PLD5: variants seen among roughly 807,000 people sequenced by gnomAD.
PLD5 encodes phospholipase D family member 5, also known as inactive phospholipase D5.
In PLD5, 36 loss-of-function variants were observed where a neutral mutation model predicts 61.1. The observed-to-expected ratio is 0.59, with a 90% CI of 0.45 to 0.78. PLD5 has a LOEUF of 0.78. PLD5 is among the 30% of genes least tolerant of loss of function. PLD5 has a pLI of 0.00. For missense variants in PLD5, 515 were observed against 644.4 expected (o/e 0.80, Z 2.17); for synonymous variants, 243 against 242.8 (o/e 1.00, Z -0.01).
intron 2 of PLD5, among the ~76,000 whole-genome samples, chr1:242,309,328 C>T (rs140249682): frequency 6.6e-6 from 1 of 151,374 alleles, no homozygotes; most frequent in African/African-American, 2.4e-5. Context: ...AACAGAACAA[C>T]AACAACAACA....
intron 7 of PLD5, among the ~76,000 whole-genome samples, chr1:242,111,754 C>T (rs1330087484): frequency 6.6e-6 from 1 of 151,786 alleles, no homozygotes; most frequent in Non-Finnish European, 1.5e-5. Context: ...GCTTGGACGA[C>T]TACTTATGTC....
At chr1:242,267,911 G>T (rs1473793213) in intron 3 of PLD5, among the ~76,000 whole-genome samples, 2 of 151,502 alleles carry the variant, frequency 1.3e-5, no homozygotes, top group Non-Finnish European at 2.9e-5. Flanking sequence ...AAAGAGGCAG[G>T]AGGGGAGAGG....
intron 1 of PLD5, among the ~76,000 whole-genome samples, chr1:242,483,337 A>T (rs1256410438): frequency 6.6e-6 from 1 of 152,186 alleles, no homozygotes; most frequent in East Asian, 1.9e-4. Flanking sequence ...AGACACACAT[A>T]GGCTCAAAAT....
chr1:242,380,817 T>C (rs113012896), intron 1 of PLD5, among the ~76,000 whole-genome samples: 2,096 of 152,218 alleles, frequency 0.014, 50 homozygotes, highest in African/African-American at 0.046. Flanking sequence ...TCACTGATCA[T>C]TAGAGAAATG....
At chr1:242,449,328 C>T in intron 1 of PLD5, 1 of 1,536,122 alleles carries the variant, frequency 6.5e-7, no homozygotes, top group Non-Finnish European at 8.7e-7. Context: ...CACACTAGGT[C>T]TGTAGAAAAC....
intron 1 of PLD5, among the ~76,000 whole-genome samples, chr1:242,355,812 A>G (rs1217987646): frequency 6.6e-6 from 1 of 152,084 alleles, no homozygotes. Context: ...CATTTGTCTC[A>G]AGACATTTTT....
chr1:242,513,497 C>T (rs1669002669), intron 1 of PLD5, among the ~76,000 whole-genome samples: 2 of 152,206 alleles, frequency 1.3e-5, no homozygotes, highest in South Asian at 4.1e-4. Flanking sequence ...TGTTATGGGA[C>T]CACAGAGGAG....
chr1:242,105,185 A>G (rs1180867653), intron 8 of PLD5, among the ~76,000 whole-genome samples: 1 of 151,444 alleles, frequency 6.6e-6, no homozygotes, highest in Admixed American at 6.6e-5. Flanking sequence ...CTTCGGCTAT[A>G]GGGACTGGGG....
At chr1:242,367,114 C>T (rs1661388960) in intron 1 of PLD5, among the ~76,000 whole-genome samples, 1 of 151,976 alleles carries the variant, frequency 6.6e-6, no homozygotes, top group Non-Finnish European at 1.5e-5. Context: ...CTACTCTACT[C>T]CCCATCTTAT....
intron 1 of PLD5, among the ~76,000 whole-genome samples, chr1:242,424,679 G>C (rs746602635): frequency 1.3e-5 from 2 of 152,032 alleles, no homozygotes; most frequent in Non-Finnish European, 1.5e-5. Context: ...CATGGCCTTC[G>C]TTTAGAAACT....
intron 1 of PLD5, among the ~76,000 whole-genome samples, chr1:242,454,046 C>T (rs1339725209): frequency 6.6e-6 from 1 of 152,126 alleles, no homozygotes; most frequent in African/African-American, 2.4e-5. Flanking sequence ...AATTTAACTT[C>T]AGGCTGGCTG....
intron 2 of PLD5, among the ~76,000 whole-genome samples, chr1:242,299,623 C>T (rs552915122): frequency 1.3e-5 from 2 of 152,202 alleles, no homozygotes; most frequent in African/African-American, 4.8e-5. Flanking sequence ...GTTTTTCCCC[C>T]CAAGTCATGA....
intron 1 of PLD5, among the ~76,000 whole-genome samples, chr1:242,379,141 G>C (rs1236892520): frequency 6.6e-6 from 1 of 152,166 alleles, no homozygotes; most frequent in Non-Finnish European, 1.5e-5. Flanking sequence ...GGCAGACATG[G>C]AGTAACGAGG....
intron 3 of PLD5, among the ~76,000 whole-genome samples, chr1:242,267,123 A>C (rs1025826209): frequency 1.4e-5 from 2 of 145,138 alleles, no homozygotes; most frequent in African/African-American, 5.4e-5. Flanking sequence ...TCAAAAAATA[A>C]ATAAATAAAA....
chr1:242,431,392 G>A (rs180841136), intron 1 of PLD5, among the ~76,000 whole-genome samples: 22 of 152,280 alleles, frequency 1.4e-4, no homozygotes, highest in Middle Eastern at 3.4e-3. Flanking sequence ...CTTTTCTAGC[G>A]ACTGAGGATA....
rs150016108 is a variant in PLD5, at chr1:242,197,468, C to T, written c.735+22520G>A. On this transcript the variant is annotated intron_variant, in intron 5 of 9. Coordinates refer to ENST00000536534, the MANE Select transcript of PLD5 (RefSeq NM_001372062.1). Reference sequence around the variant, plus strand: ...ATGTTCCAGCCACACAGGTGACTGACTGCCTTTTCTCTGAACCACAAACCA... The same window carrying T: ...ATGTTCCAGCCACACAGGTGACTGATTGCCTTTTCTCTGAACCACAAACCA... Among the ~76,000 whole-genome samples the T allele has an allele frequency of 1.2e-4, 18 of 152,256 alleles. No homozygotes were observed. In the East Asian group the frequency reaches 3.1e-3, roughly 26 times the overall value.
rs535017528 is a variant in PLD5 at position 242,247,018 on chromosome 1, C to T, written c.607+18319G>A. On this transcript the variant is annotated intron_variant, in intron 4 of 9. Transcript: ENST00000536534. ...TTTTTTTTTGAGACGGAGTTTCGCTCTGTCGCCCAGGCTGGAGTGCAGTGG... is the reference window on the plus strand; with the variant it reads ...TTTTTTTTTGAGACGGAGTTTCGCTTTGTCGCCCAGGCTGGAGTGCAGTGG... Among the ~76,000 whole-genome samples, 489 of 147,346 alleles carry T rather than the reference C, an allele frequency of 3.3e-3. 3 individuals carry two copies. Among genetic ancestry groups the T allele is most frequent in the African/African-American group, 0.012 (463 of 38,954 alleles).
Position 242,216,450 on chromosome 1 carries a change from G to A in PLD5, c.735+3538C>T, listed in dbSNP as rs143262681. Among the ~76,000 whole-genome samples, 20 of 152,314 alleles carry A rather than the reference G, an allele frequency of 1.3e-4. No individual in the cohort carries two copies. The East Asian group carries it at 2.5e-3, about 19-fold the overall frequency. On this transcript the variant is annotated intron_variant, in intron 5 of 9. Transcript: ENST00000536534. Reference sequence around the variant, plus strand: ...AATAGCTTGGGGCACAGATACAAAGGAATGTAGATTATTTTATCTAAATGG... The same window carrying A: ...AATAGCTTGGGGCACAGATACAAAGAAATGTAGATTATTTTATCTAAATGG...
At chr1:242,493,836 A>AATTC (rs1668257003) in intron 1 of PLD5, among the ~76,000 whole-genome samples, 1 of 152,206 alleles carries the variant, frequency 6.6e-6, no homozygotes, top group African/African-American at 2.4e-5. Flanking sequence ...CCATAACATG[A>AATTC]AGGACTGGAA....
Sources: allele counts gnomAD v4.1 joint callset (sites outside exome capture counted in the v4.1 genomes callset), GRCh38; gene constraint gnomAD v4.1.1; transcripts MANE v1.5; gene names NCBI Gene and HGNC (gene_info 2026-07-23, HGNC 2026-07-21).